The following FPGS variants were observed in gnomAD, a reference collection of about 807,000 sequenced individuals.
FPGS encodes folylpolyglutamate synthase, mitochondrial.
A neutral mutation model predicts 66.5 loss-of-function variants in FPGS; 53 were observed. The observed-to-expected ratio is 0.80, with a 90% CI of 0.64 to 1.00. The LOEUF (loss-of-function observed/expected upper bound fraction) is 1.00, where lower values mean the gene tolerates loss of function less well. FPGS is among the 50% of genes least tolerant of loss of function. The pLI is 0.00. For missense variants in FPGS, 702 were observed against 807.7 expected (o/e 0.87, Z 1.59); for synonymous variants, 348 against 350.9 (o/e 0.99, Z 0.09).
chr9:127,808,386 G>A, intron 9 of FPGS, 75 bp downstream of exon 9: 3 of 1,480,528 alleles, frequency 2.0e-6, no homozygotes, highest in South Asian at 1.1e-5. Flanking sequence ...TGCATCCTCT[G>A]GGGCCTCAGT....
intron 14 of FPGS, among the ~76,000 whole-genome samples, chr9:127,812,015 T>C (rs1415185156): frequency 6.6e-6 from 1 of 152,126 alleles, no homozygotes; most frequent in Admixed American, 6.6e-5. Flanking sequence ...GGCTCACACC[T>C]ATAATCCCAG....
chr9:127,802,918 C>T lies in FPGS; in HGVS notation c.-7C>T, dbSNP rs1007595326. The T allele has an allele frequency of 3.7e-6, 5 of 1,368,438 alleles. No individual in the cohort carries two copies. Among genetic ancestry groups the T allele is most frequent in the South Asian group, 1.7e-5 (1 of 60,186 alleles). 84.8% of individuals were successfully genotyped at this position (1,368,438 alleles called of 1,614,324 possible). On this transcript the variant is annotated 5_prime_UTR_variant, in exon 1 of 15. Coordinates refer to ENST00000373247, the MANE Select transcript of FPGS (RefSeq NM_004957.6). ...GGGCCTAGAGCGCTGCCGGGGGCGC[C>T]GGGACTATGTCGCGGGCGCGGAGCC...
intron 8 of FPGS, 133 bp from the exon 9 acceptor site, chr9:127,808,101 A>G (rs1829893493): frequency 1.5e-6 from 1 of 684,352 alleles, no homozygotes; most frequent in South Asian, 1.8e-5. Flanking sequence ...GTGAGACTTC[A>G]TCTCGAAAAA....
chr9:127,807,751 T>C lies in FPGS; in HGVS notation c.744+63T>C. 2.8e-6 allele frequency: 3 copies of C among 1,054,832 alleles called. No homozygotes were observed. The highest frequency in any genetic ancestry group is 4.1e-6 in the Non-Finnish European group (3 of 723,312). 65.3% of individuals were successfully genotyped at this position (1,054,832 alleles called of 1,614,324 possible). Reference sequence around the variant, plus strand: ...GGCCTGGGAGTCTACGTTTTCATCCTGGCTTCACTGTGTGACTGGAACAAG... The same window carrying C: ...GGCCTGGGAGTCTACGTTTTCATCCCGGCTTCACTGTGTGACTGGAACAAG... On this transcript the variant is annotated intron_variant, in intron 8 of 14. Transcript: ENST00000373247. This position sits in a 1 kb window ranked among gnomAD's most constrained non-coding sequence, Gnocchi z 5.8.
chr9:127,802,979 G>C lies in FPGS; in HGVS notation c.55G>C (p.Ala19Pro). The change falls in exon 1 of 15, where the codon GCG becomes CCG. Residue 19 changes from alanine (A) to proline (P), a missense_variant. Transcript: ENST00000373247. ...RAALFLAAAS[A>P]RGITTQVAAR... is the part of the protein sequence containing the mutation. ...CGCTCTATTCCTGGCAGCGGCGTCTGCGCGCGGCATAACGACCCAGGTCGC... is the reference window on the plus strand; with the variant it reads ...CGCTCTATTCCTGGCAGCGGCGTCTCCGCGCGGCATAACGACCCAGGTCGC... 6.8e-7 allele frequency: 1 copy of C among 1,462,860 alleles called. No homozygotes were observed. Among genetic ancestry groups the C allele is most frequent in the Non-Finnish European group, 9.0e-7 (1 of 1,116,816 alleles). 90.6% of individuals were successfully genotyped at this position (1,462,860 alleles called of 1,614,324 possible). A position where few individuals can be genotyped will look rare whatever the true frequency, so the allele number is the denominator to read the frequency against.
At chr9:127,804,591 G>A (rs368698169) in intron 3 of FPGS, 39 bp downstream of exon 3, 2 of 1,613,966 alleles carry the variant, frequency 1.2e-6, no homozygotes, top group East Asian at 2.2e-5. Context: ...TCTATTAAGT[G>A]GCTGGTGGAG....
At chr9:127,803,975 G>A (rs908238507) in intron 1 of FPGS, among the ~76,000 whole-genome samples, 5 of 152,210 alleles carry the variant, frequency 3.3e-5, no homozygotes, top group Admixed American at 6.5e-5. Flanking sequence ...AGAGAATGAG[G>A]GCAAAGGCCC....
chr9:127,809,023 C>G (rs1829951539), intron 11 of FPGS, 134 bp downstream of exon 11: 1 of 690,470 alleles, frequency 1.4e-6, no homozygotes, highest in Non-Finnish European at 2.4e-6. Context: ...AGAAAGGACT[C>G]TGATGTCAGC....
At chr9:127,808,421 C>G in intron 9 of FPGS, 110 bp downstream of exon 9, 1 of 1,490,688 alleles carries the variant, frequency 6.7e-7, no homozygotes, top group South Asian at 1.2e-5. Context: ...AGTGAGGACG[C>G]TGGGCCAGCT....
At chr9:127,814,150 G>A (rs1303565382), downstream of FPGS, 6 of 985,874 alleles carry the variant, frequency 6.1e-6, no homozygotes, top group African/African-American at 1.7e-5. Flanking sequence ...CCTGCACTGT[G>A]TAGAGGGAGC....
At chr9:127,812,274 A>G (rs561324334) in intron 14 of FPGS, among the ~76,000 whole-genome samples, 1 of 151,496 alleles carries the variant, frequency 6.6e-6, no homozygotes, top group Admixed American at 6.6e-5. Context: ...AAAATAAAAA[A>G]TCTCCAGTCC....
At chr9:127,810,410 G>A (rs1038774853) in intron 13 of FPGS, among the ~76,000 whole-genome samples, 1 of 152,104 alleles carries the variant, frequency 6.6e-6, no homozygotes, top group Non-Finnish European at 1.5e-5. Flanking sequence ...CACCCTGGAC[G>A]AGAAGCGGCA....
At chr9:127,804,973 C>A in intron 4 of FPGS, 1 of 377,612 alleles carries the variant, frequency 2.6e-6, no homozygotes, top group Admixed American at 4.3e-5. Context: ...ACTGCAACCC[C>A]CGCCTGCCAG....
chr9:127,810,300 C>T (rs1427058750), intron 13 of FPGS, among the ~76,000 whole-genome samples, 194 bp downstream of exon 13: 1 of 152,066 alleles, frequency 6.6e-6, no homozygotes, highest in Non-Finnish European at 1.5e-5. Flanking sequence ...CATATTCCCG[C>T]GTGTCTAGAC....
intron 1 of FPGS, chr9:127,803,400 A>G: frequency 9.3e-7 from 1 of 1,076,482 alleles, no homozygotes; most frequent in South Asian, 4.2e-5. Context: ...GAGTGGGGAA[A>G]GAGGGTAGGG....
Position 127,804,301 on chromosome 9 carries a change from T to C in FPGS, c.155T>C (p.Leu52Pro), listed in dbSNP as rs1291314030. 2 of 1,614,018 alleles carry C rather than the reference T, an allele frequency of 1.2e-6. No individual in the cohort carries two copies. The highest frequency in any genetic ancestry group is 2.2e-5 in the East Asian group (1 of 44,896). The part of the protein sequence containing the change: ...SMEYQDAVRM[L>P]NTLQTNAGYL... ...GGTTGCCAGGATGCCGTGCGCATGC[T>C]CAATACCCTGCAGACCAATGCCGGC... Residue 52 changes from leucine (L) to proline (P), a missense_variant, in exon 2 of 15, where the codon CTC (leucine) becomes CCC (proline). Around this residue, in one of 3 missense-constraint regions of FPGS, gnomAD observed 111 missense variants for 95.4 expected, o/e 1.16. Coordinates refer to ENST00000373247, the MANE Select transcript of FPGS (RefSeq NM_004957.6).
intron 14 of FPGS, among the ~76,000 whole-genome samples, chr9:127,812,077 C>T (rs1210392944): frequency 2.0e-5 from 3 of 149,976 alleles, no homozygotes; most frequent in Non-Finnish European, 4.4e-5. Flanking sequence ...CAGACCTCAT[C>T]TCTATAAAAA....
At position 127,813,240 on chromosome 9, in the gene FPGS, G is replaced by A; in HGVS notation, c.1400G>A (p.Cys467Tyr). The A allele has an allele frequency of 6.2e-7, 1 of 1,609,860 alleles. No individual in the cohort carries two copies. The highest frequency in any genetic ancestry group is 8.5e-7 in the Non-Finnish European group (1 of 1,177,950). Residue 467 changes from cysteine (C) to tyrosine (Y), a missense_variant, in exon 15 of 15, where the codon TGC becomes TAC. By Grantham distance (194) the Cys-to-Tyr change is radical. Transcript: ENST00000373247. Reference sequence around the variant, plus strand: ...ACACTGGACCAGGTCCTGCTCCGCTGCCTGGAACACCAGCAGCACTGGAAC... The same window carrying A: ...ACACTGGACCAGGTCCTGCTCCGCTACCTGGAACACCAGCAGCACTGGAAC... ...TVTLDQVLLR[C>Y]LEHQQHWNHL...
In FPGS at chr9:127,805,256, G is replaced by A. The variant is rs182699658; in HGVS notation, c.386+556G>A. ...CTTTAATGTATAAACTAAATATGTAGCAGGAGGTCCAGTGTGGTGGCTCAT... is the reference window on the plus strand; with the variant it reads ...CTTTAATGTATAAACTAAATATGTAACAGGAGGTCCAGTGTGGTGGCTCAT... On this transcript the variant is annotated intron_variant, in intron 4 of 14. Transcript: ENST00000373247. 8.5e-5 allele frequency among the ~76,000 whole-genome samples: 13 copies of A among 152,136 alleles called. No individual in the cohort carries two copies. In the East Asian group the frequency reaches 2.5e-3, roughly 29 times the overall value.
Sources: allele counts gnomAD v4.1 joint callset (sites outside exome capture counted in the v4.1 genomes callset), GRCh38; gene constraint gnomAD v4.1.1; regional missense constraint gnomAD v4.1.1; non-coding constraint Gnocchi (gnomAD v3.1); transcripts MANE v1.5; gene names NCBI Gene and HGNC (gene_info 2026-07-23, HGNC 2026-07-21).